Variants in DMD observed in about 807,000 individuals in gnomAD.
DMD encodes mutant dystrophin.
In DMD, 63 loss-of-function variants were observed where a neutral mutation model predicts 330.1. The observed-to-expected ratio is 0.19, with a 90% CI of 0.16 to 0.24. The LOEUF is 0.24. Ranked by LOEUF, DMD falls within the 10% of genes least tolerant of loss-of-function variation. The pLI is 1.00. For missense variants in DMD, 3,344 were observed against 2,684.1 expected, an observed-to-expected ratio of 1.25 and a Z score of -5.43; for synonymous variants, 1,223 against 959.8, an observed-to-expected ratio of 1.27 and a Z score of -5.07.
rs1314996422 is a variant in DMD at position 32,878,335 on chromosome X, T to A, written c.94-28515A>T. Among the ~76,000 whole-genome samples, 4 of 111,261 alleles carry A rather than the reference T, an allele frequency of 3.6e-5. No individual in the cohort carries two copies. The Admixed American group carries it at 3.8e-4, about 11-fold the overall frequency. ...GGAGCTTGCAGTGAGCCGAGATTGC[T>A]CCACTGCACCCCAGCCTGGGCGACA... On this transcript the variant is annotated intron_variant, in intron 2 of 78. Transcript: ENST00000357033.
At chrX:32,627,572 G>A (rs2058435368) in intron 11 of DMD, among the ~76,000 whole-genome samples, 1 of 111,010 alleles carries the variant, frequency 9.0e-6, no homozygotes, top group South Asian at 3.8e-4. Flanking sequence ...GCTTACTTGG[G>A]TCAAAACGCA....
intron 30 of DMD, among the ~76,000 whole-genome samples, chrX:32,402,847 T>A (rs751180075): frequency 2.1e-4 from 23 of 111,718 alleles, no homozygotes; most frequent in South Asian, 7.4e-4. Flanking sequence ...ATGGTAAACG[T>A]AAGTGGCCAG....
intron 55 of DMD, among the ~76,000 whole-genome samples, chrX:31,526,830 C>T (rs1423963410): frequency 8.9e-6 from 1 of 112,248 alleles, no homozygotes; most frequent in Non-Finnish European, 1.9e-5. Flanking sequence ...AAAAGAGGGG[C>T]TGGGCATGGT....
intron 1 of DMD, among the ~76,000 whole-genome samples, chrX:33,045,315 T>TATACACACACACACACACAC (rs1557230630): frequency 7.2e-5 from 7 of 96,725 alleles, no homozygotes; most frequent in Non-Finnish European, 1.4e-4. Context: ...CACAGGTGCG[T>TATACACACACACACACACAC]ACACACACAC....
At chrX:32,029,414 C>T (rs986405786) in intron 44 of DMD, among the ~76,000 whole-genome samples, 1 of 110,796 alleles carries the variant, frequency 9.0e-6, no homozygotes, top group Non-Finnish European at 1.9e-5. Flanking sequence ...CATCTTATTG[C>T]CTCAATTTCT....
intron 74 of DMD, among the ~76,000 whole-genome samples, chrX:31,158,213 G>C (rs1011392191): frequency 2.7e-5 from 3 of 111,779 alleles, no homozygotes; most frequent in African/African-American, 9.8e-5. Flanking sequence ...ATCAAGTAAT[G>C]AATAGATTAA....
At chrX:32,727,077 T>G (rs759614570) in intron 7 of DMD, among the ~76,000 whole-genome samples, 2 of 111,069 alleles carry the variant, frequency 1.8e-5, no homozygotes, top group African/African-American at 6.5e-5. Context: ...AAGATACTGA[T>G]GCTTCTTTAA....
chrX:32,823,340 A>G lies in DMD; in HGVS notation c.312T>C (p.His104=). The G allele has an allele frequency of 8.3e-7, 1 of 1,209,763 alleles. No homozygotes were observed. Among genetic ancestry groups the G allele is most frequent in the Non-Finnish European group, 1.1e-6 (1 of 893,895 alleles). The change falls in exon 5 of 79, where the codon CAT becomes CAC. Residue 104 remains histidine (H), a synonymous_variant. Transcript: ENST00000357033. ...TCCAAATCAAACCAAGAGTCAGTTT[A>G]TGATTTCCATCTACGATGTCAGTAC... ...IGSTDIVDGN[H]KLTLGLIWNI...
chrX:31,967,892 T>C (rs2095365912), intron 45 of DMD, among the ~76,000 whole-genome samples: 2 of 111,964 alleles, frequency 1.8e-5, no homozygotes, highest in South Asian at 7.4e-4. Flanking sequence ...TTCACAAATG[T>C]GGTGAAACTA....
chrX:31,230,501 T>C (rs2047087897), intron 63 of DMD, among the ~76,000 whole-genome samples: 1 of 109,850 alleles, frequency 9.1e-6, no homozygotes, highest in Admixed American at 9.7e-5. Flanking sequence ...ACAAAAAAAT[T>C]AGCCAGGCAT....
intron 55 of DMD, among the ~76,000 whole-genome samples, chrX:31,530,647 C>CTTTTTTTTTTTTTTTTTTTTTATTTT (rs2073678188): frequency 2.0e-5 from 1 of 49,845 alleles, no homozygotes; most frequent in Non-Finnish European, 3.6e-5. Context: ...ACTGGTTTCT[C>CTTTTTTTTTTTTTTTTTTTTTATTTT]TTTTTTTTTT....
At chrX:32,536,925 A>G (rs1375597012) in intron 17 of DMD, among the ~76,000 whole-genome samples, 1 of 112,217 alleles carries the variant, frequency 8.9e-6, no homozygotes, top group East Asian at 2.8e-4. Flanking sequence ...AAGCATGGAT[A>G]AGAGAGGTGA....
intron 55 of DMD, among the ~76,000 whole-genome samples, chrX:31,626,929 G>GA (rs2078882420): frequency 9.0e-6 from 1 of 111,202 alleles, no homozygotes; most frequent in Admixed American, 9.6e-5. Flanking sequence ...TATCAAGTCA[G>GA]AAAAACCAAC....
At chrX:31,440,228 A>G (rs1378248514) in intron 60 of DMD, among the ~76,000 whole-genome samples, 1 of 108,705 alleles carries the variant, frequency 9.2e-6, no homozygotes, top group African/African-American at 3.4e-5. Context: ...GCTTACTGCA[A>G]CATCCGCCTC....
chrX:31,896,924 T>TTTC (rs1267837966), intron 47 of DMD, among the ~76,000 whole-genome samples: 3 of 111,612 alleles, frequency 2.7e-5, no homozygotes, highest in African/African-American at 6.5e-5. Flanking sequence ...TTCTTTTTTT[T>TTTC]TTCTTTTATT....
intron 44 of DMD, among the ~76,000 whole-genome samples, chrX:31,991,081 T>G (rs2095546940): frequency 1.8e-5 from 2 of 111,601 alleles, no homozygotes; most frequent in South Asian, 7.5e-4. Flanking sequence ...GTTGATGAGA[T>G]GTATAAGAAA....
chrX:31,444,414 C>A (rs537476284), intron 60 of DMD, 67 bp downstream of exon 60: 2 of 1,155,701 alleles, frequency 1.7e-6, no homozygotes, highest in South Asian at 3.6e-5. Flanking sequence ...TTTCATTGTT[C>A]TTTACAAATT....
chrX:31,616,313 T>C (rs945862446), intron 55 of DMD, among the ~76,000 whole-genome samples: 33 of 111,511 alleles, frequency 3.0e-4, no homozygotes, highest in African/African-American at 1.0e-3. Flanking sequence ...AGGTAATGTT[T>C]GGGTAAGCTT....
chrX:31,443,798 G>GT, intron 60 of DMD, among the ~76,000 whole-genome samples: 1 of 111,852 alleles, frequency 8.9e-6, no homozygotes, highest in Middle Eastern at 4.6e-3. Flanking sequence ...AATCCAAGCA[G>GT]TAAGAGTACA....
Sources: gnomAD v4.1 joint callset for allele counts (sites outside exome capture counted in the v4.1 genomes callset) on GRCh38, gnomAD v4.1.1 for gene constraint, MANE v1.5 for transcripts, NCBI Gene and HGNC (gene_info 2026-07-23, HGNC 2026-07-21) for gene names.